CAST: variants seen among roughly 807,000 people sequenced by gnomAD.
CAST encodes the protein calpastatin.
A neutral mutation model predicts 119.6 loss-of-function variants in CAST; 76 were observed. The observed-to-expected ratio is 0.64, with a 90% CI of 0.53 to 0.77. CAST has a LOEUF of 0.77. Ranked by LOEUF, CAST falls within the 30% of genes least tolerant of loss-of-function variation. CAST has a pLI of 0.00. For missense variants in CAST, 953 were observed against 946.5 expected (o/e 1.01, Z -0.09); for synonymous variants, 319 against 331.6 (o/e 0.96, Z 0.41).
At chr5:96,745,701 G>T (rs1581237657) in intron 16 of CAST, among the ~76,000 whole-genome samples, 1 of 152,192 alleles carries the variant, frequency 6.6e-6, no homozygotes, top group Non-Finnish European at 1.5e-5. Flanking sequence ...GCTTTTATTT[G>T]TAATGCAGCT....
the CAST span, among the ~76,000 whole-genome samples, chr5:96,383,884 G>A: frequency 1.3e-5 from 2 of 152,210 alleles, no homozygotes; most frequent in African/African-American, 2.4e-5. Flanking sequence ...GACCAGGATG[G>A]TAGCACTGGA....
intron 20 of CAST, among the ~76,000 whole-genome samples, chr5:96,753,368 T>G (rs940509413): frequency 6.6e-6 from 1 of 152,190 alleles, no homozygotes; most frequent in Non-Finnish European, 1.5e-5. Context: ...GACCTACTAA[T>G]GTACAGACGA....
rs1230508746 is a variant in CAST at position 96,534,716 on chromosome 5, A to AAGGAAGGAAGGAAG, written c.60+4836_60+4837insAGGAAGGAAGGAAG. On this transcript the variant is annotated intron_variant, in intron 1 of 11. Coordinates refer to the CAST transcript ENST00000505143. Reference sequence around the variant, plus strand: ...GAAGGAAGGAAGGAAGGAAGGAAGGAGAGAGAGAGAGAGAGAGAGAGAGAG... The same window carrying AAGGAAGGAAGGAAG: ...GAAGGAAGGAAGGAAGGAAGGAAGGAAGGAAGGAAGGAAGGAGAGAGAGAGAGAGAGAGAGAGAG... Among the ~76,000 whole-genome samples, 84 of 34,746 alleles carry AAGGAAGGAAGGAAG rather than the reference A, an allele frequency of 2.4e-3. 12 individuals are homozygous for AAGGAAGGAAGGAAG. The highest frequency in any genetic ancestry group is 0.012 in the Middle Eastern group (1 of 86). The allele number at this position is 34,746 out of a possible 152,430, so 22.8% of individuals were successfully genotyped here.
intron 1 of CAST, among the ~76,000 whole-genome samples, chr5:96,653,439 T>A (rs989258465): frequency 8.5e-5 from 13 of 152,206 alleles, no homozygotes; most frequent in African/African-American, 2.9e-4. Context: ...GGAGAGGAAG[T>A]GTAGTTAGTA....
chr5:96,193,257 T>C, the CAST span, among the ~76,000 whole-genome samples: 1 of 152,218 alleles, frequency 6.6e-6, no homozygotes, highest in African/African-American at 2.4e-5. Flanking sequence ...ATGCTTCATA[T>C]TATCTTTTAA....
the CAST span, among the ~76,000 whole-genome samples, chr5:96,511,370 T>C: frequency 6.6e-6 from 1 of 152,248 alleles, no homozygotes; most frequent in South Asian, 2.1e-4. Flanking sequence ...TCTCGATCTC[T>C]TGATCTCGTG....
At chr5:96,354,235 AC>A in the CAST span, among the ~76,000 whole-genome samples, 2 of 152,172 alleles carry the variant, frequency 1.3e-5, no homozygotes, top group African/African-American at 4.8e-5. Flanking sequence ...ATTCTTTTCC[AC>A]AAAACAGCCA....
chr5:96,439,715 A>G, the CAST span, among the ~76,000 whole-genome samples: 1 of 152,164 alleles, frequency 6.6e-6, no homozygotes, highest in Non-Finnish European at 1.5e-5. Context: ...GCTTTCTAGC[A>G]GGTGCCACTG....
chr5:96,711,475 A>G (rs1561505648), intron 3 of CAST, among the ~76,000 whole-genome samples: 2 of 152,218 alleles, frequency 1.3e-5, no homozygotes, highest in Admixed American at 1.3e-4. Context: ...TTTAACATTT[A>G]TTAATTTATT....
the CAST span, among the ~76,000 whole-genome samples, chr5:96,433,660 A>G: frequency 6.6e-6 from 1 of 152,176 alleles, no homozygotes; most frequent in Non-Finnish European, 1.5e-5. Context: ...AGCACCTGCT[A>G]TGAAGAACAA....
chr5:96,325,453 CTTTT>C, the CAST span, among the ~76,000 whole-genome samples: 6 of 135,936 alleles, frequency 4.4e-5, no homozygotes, highest in African/African-American at 1.1e-4. Flanking sequence ...CTTTTTCTTT[CTTTT>C]ATTTTTTTAT....
At chr5:96,659,085 AT>A (rs1748207127), upstream of CAST, among the ~76,000 whole-genome samples, 1 of 152,268 alleles carries the variant, frequency 6.6e-6, no homozygotes, top group African/African-American at 2.4e-5. Context: ...ACATTTATCA[AT>A]TAAATTCTCT....
chr5:96,311,131 A>G, the CAST span, among the ~76,000 whole-genome samples: 1 of 151,664 alleles, frequency 6.6e-6, no homozygotes, highest in Non-Finnish European at 1.5e-5. Context: ...TTGTGTCTCT[A>G]TTTTTGTTTG....
At chr5:96,519,523 T>A in the CAST span, among the ~76,000 whole-genome samples, 114 of 152,308 alleles carry the variant, frequency 7.5e-4, 1 homozygote, top group East Asian at 0.017. Flanking sequence ...ATTGAAAGTT[T>A]GTCGCAAAAT....
At chr5:95,994,817 A>G in the CAST span, among the ~76,000 whole-genome samples, 2 of 152,146 alleles carry the variant, frequency 1.3e-5, no homozygotes, top group African/African-American at 4.8e-5. Context: ...CATGTGCTAT[A>G]TACTTTTTAT....
the CAST span, chr5:96,412,166 T>C: frequency 2.7e-6 from 2 of 750,656 alleles, no homozygotes; most frequent in Non-Finnish European, 4.6e-6. Context: ...CTCTGAAGAA[T>C]GATTTGGCCC....
the CAST span, among the ~76,000 whole-genome samples, chr5:96,274,309 A>G: frequency 1.3e-5 from 2 of 151,726 alleles, no homozygotes; most frequent in African/African-American, 4.9e-5. Context: ...TCACTGTGTT[A>G]GCCAGGATGG....
At chr5:96,328,569 C>A in the CAST span, among the ~76,000 whole-genome samples, 1 of 152,138 alleles carries the variant, frequency 6.6e-6, no homozygotes, top group Admixed American at 6.6e-5. Flanking sequence ...GATTGACAAA[C>A]CATCAGTCTT....
chr5:96,347,666 T>G, the CAST span, among the ~76,000 whole-genome samples: 1 of 152,116 alleles, frequency 6.6e-6, no homozygotes, highest in Non-Finnish European at 1.5e-5. Context: ...TCCACCTCAT[T>G]TAATGTGAGT....
Sources: gnomAD v4.1 joint callset for allele counts (sites outside exome capture counted in the v4.1 genomes callset) on GRCh38, gnomAD v4.1.1 for gene constraint, MANE v1.5 for transcripts, NCBI Gene and HGNC (gene_info 2026-07-23, HGNC 2026-07-21) for gene names.